TEX9: variants seen among roughly 807,000 people sequenced by gnomAD.
TEX9 encodes testis-expressed protein 9.
A neutral mutation model predicts 59.6 loss-of-function variants in TEX9; 74 were observed. The ratio of observed to expected loss-of-function variants is 1.24; its 90% CI spans 1.03 to 1.51. The LOEUF is 1.51. Among genes scored for constraint, TEX9 ranks in the 40% most tolerant of loss-of-function variants. The probability of loss-of-function intolerance (pLI) is 0.00; values close to 1 mark genes in which losing one functional copy is unlikely to be tolerated. For missense variants in TEX9, 522 were observed against 447.8 expected (o/e 1.17, Z -1.49); for synonymous variants, 186 against 152.2 (o/e 1.22, Z -1.64).
At chr15:56,270,172 C>G (rs1450543965) in intron 1 of TEX9, among the ~76,000 whole-genome samples, 1 of 152,136 alleles carries the variant, frequency 6.6e-6, no homozygotes, top group Non-Finnish European at 1.5e-5. Context: ...CTGCTTGGTG[C>G]AGAGCTGAGT....
chr15:56,301,885 C>A (rs1309007973), intron 1 of TEX9, among the ~76,000 whole-genome samples: 1 of 152,092 alleles, frequency 6.6e-6, no homozygotes, highest in African/African-American at 2.4e-5. Flanking sequence ...AGTACAGAGA[C>A]AAACACAGCA....
At chr15:56,349,708 T>C (rs1405815438) in intron 1 of TEX9, among the ~76,000 whole-genome samples, 2 of 152,102 alleles carry the variant, frequency 1.3e-5, no homozygotes, top group East Asian at 3.9e-4. Flanking sequence ...CACACACGTG[T>C]ATATGTATAT....
At chr15:56,315,581 A>G (rs1217331346) in intron 1 of TEX9, among the ~76,000 whole-genome samples, 2 of 149,620 alleles carry the variant, frequency 1.3e-5, no homozygotes, top group East Asian at 3.9e-4. Context: ...GCTGCCCTTA[A>G]CATTTTTTCC....
rs74018619 is a variant in TEX9, at chr15:56,283,049, G to T, written c.-107+38771G>T. 4.6e-3 allele frequency among the ~76,000 whole-genome samples: 687 copies of T among 148,546 alleles called. 9 individuals are homozygous for T. The highest frequency in any genetic ancestry group is 0.017 in the African/African-American group (669 of 40,364). Reference sequence around the variant, plus strand: ...TTTATTTATAGTGTGTACATTGTGTGGTGTGTGTGTGTGTGTGTGTGTGTG... The same window carrying T: ...TTTATTTATAGTGTGTACATTGTGTTGTGTGTGTGTGTGTGTGTGTGTGTG... On this transcript the variant is annotated intron_variant, in intron 1 of 5. Coordinates refer to the TEX9 transcript ENST00000560827.
At chr15:56,423,132 C>G (rs2140244603) in intron 10 of TEX9, among the ~76,000 whole-genome samples, 1 of 152,240 alleles carries the variant, frequency 6.6e-6, no homozygotes, top group South Asian at 2.1e-4. Flanking sequence ...TCAATGTCTC[C>G]TAGAGAAAAG....
downstream of TEX9, among the ~76,000 whole-genome samples, chr15:56,448,751 C>CTTTTTT (rs34366643): frequency 8.5e-6 from 1 of 117,662 alleles, no homozygotes; most frequent in Non-Finnish European, 1.8e-5. Flanking sequence ...TTTTTAGATT[C>CTTTTTT]TTTTTTTTTT....
intron 9 of TEX9, among the ~76,000 whole-genome samples, chr15:56,399,032 C>T (rs1321726707): frequency 6.6e-6 from 1 of 152,170 alleles, no homozygotes; most frequent in African/African-American, 2.4e-5. Context: ...CTGTAGCTCC[C>T]AGTGTGATCA....
At chr15:56,256,230 C>G (rs1567063697) in intron 1 of TEX9, among the ~76,000 whole-genome samples, 2 of 152,010 alleles carry the variant, frequency 1.3e-5, no homozygotes, top group Non-Finnish European at 2.9e-5. Flanking sequence ...ATTATCATCT[C>G]ATGTCACAGA....
intron 1 of TEX9, among the ~76,000 whole-genome samples, chr15:56,295,083 A>T (rs1246545567): frequency 6.6e-6 from 1 of 152,104 alleles, no homozygotes; most frequent in Admixed American, 6.5e-5. Flanking sequence ...TATATTTTTA[A>T]TTCTATAATA....
intron 1 of TEX9, among the ~76,000 whole-genome samples, chr15:56,275,852 G>A (rs2044655519): frequency 6.6e-6 from 1 of 151,500 alleles, no homozygotes; most frequent in Non-Finnish European, 1.5e-5. Context: ...GTGTAGTTCT[G>A]CTTGCAATAA....
chr15:56,380,095 A>G lies in TEX9; in HGVS notation c.184-3857A>G, dbSNP rs558810010. The stretch of plus-strand genomic sequence containing the variant: ...ATTTGTTTTCTGGTTGTCTTGTGGC[A>G]TTCCTTCCTGTCTTCCTTTTATTGA... On this transcript the variant is annotated intron_variant, in intron 3 of 12. Transcript: ENST00000352903. Among the ~76,000 whole-genome samples the G allele has an allele frequency of 2.6e-5, 4 of 151,950 alleles. No individual in the cohort carries two copies. The South Asian group carries it at 8.3e-4, about 32-fold the overall frequency.
chr15:56,285,063 CATTT>C (rs1418241311), intron 1 of TEX9, among the ~76,000 whole-genome samples: 15 of 152,174 alleles, frequency 9.9e-5, no homozygotes, highest in African/African-American at 3.6e-4. Context: ...AATCATCGTT[CATTT>C]AAACTCACCC....
At chr15:56,293,988 C>T (rs1387300651) in intron 1 of TEX9, among the ~76,000 whole-genome samples, 1 of 152,152 alleles carries the variant, frequency 6.6e-6, no homozygotes, top group African/African-American at 2.4e-5. Flanking sequence ...ATTTGGGGAA[C>T]CCCCACATTT....
intron 10 of TEX9, among the ~76,000 whole-genome samples, chr15:56,426,634 CACAA>C (rs1242763401): frequency 1.2e-4 from 9 of 73,644 alleles, no homozygotes; most frequent in East Asian, 4.3e-4. Flanking sequence ...TATACACACA[CACAA>C]ACACACACAC....
At chr15:56,324,320 G>T (rs367845148) in intron 1 of TEX9, among the ~76,000 whole-genome samples, 1 of 152,160 alleles carries the variant, frequency 6.6e-6, no homozygotes. Flanking sequence ...CTGCATATCA[G>T]ATCATTACAA....
chr15:56,444,715 A>G (rs748191123), intron 12 of TEX9: 1 of 1,475,280 alleles, frequency 6.8e-7, no homozygotes, highest in African/African-American at 1.4e-5. Flanking sequence ...TTCAAATTTG[A>G]ACATAGTACG....
intron 1 of TEX9, among the ~76,000 whole-genome samples, chr15:56,271,001 TC>T (rs2044515479): frequency 1.3e-5 from 2 of 152,196 alleles, no homozygotes; most frequent in African/African-American, 4.8e-5. Context: ...TGCTGAGAGA[TC>T]CGCTGTTAGT....
chr15:56,311,561 G>C (rs1192406338), intron 1 of TEX9, among the ~76,000 whole-genome samples: 1 of 135,354 alleles, frequency 7.4e-6, no homozygotes, highest in African/African-American at 2.8e-5. Context: ...CATTTGGGTT[G>C]GTTCCAAGTC....
intron 1 of TEX9, among the ~76,000 whole-genome samples, chr15:56,261,595 G>A (rs1296474289): frequency 6.6e-6 from 1 of 151,964 alleles, no homozygotes; most frequent in East Asian, 1.9e-4. Flanking sequence ...GCATGTGCCT[G>A]TAGTCCCGCT....
Sources: allele counts gnomAD v4.1 joint callset (sites outside exome capture counted in the v4.1 genomes callset), GRCh38; gene constraint gnomAD v4.1.1; transcripts MANE v1.5; gene names NCBI Gene and HGNC (gene_info 2026-07-23, HGNC 2026-07-21).